ADAMTS6: variants seen among roughly 807,000 people sequenced by gnomAD.
The protein encoded by ADAMTS6 is A disintegrin and metalloproteinase with thrombospondin motifs 6.
Under a neutral mutation model 144.3 loss-of-function variants are expected in ADAMTS6, and 23 were observed. The observed-to-expected ratio is 0.16, with a 90% CI of 0.11 to 0.23. The LOEUF (loss-of-function observed/expected upper bound fraction) is 0.23, where lower values mean the gene tolerates loss of function less well. Ranked by LOEUF, ADAMTS6 falls within the 10% of genes least tolerant of loss-of-function variation. The pLI is 1.00. For synonymous variants in ADAMTS6, 444 were observed against 457.5 expected (o/e 0.97, Z 0.38); for missense variants, 999 against 1,379.6 (o/e 0.72, Z 4.37).
chr5:65,466,315 C>T (rs1221176928), intron 3 of ADAMTS6, among the ~76,000 whole-genome samples: 6 of 152,196 alleles, frequency 3.9e-5, no homozygotes, highest in African/African-American at 1.2e-4. Context: ...GTTCCTCAAA[C>T]ACTCTAAGAT....
Position 65,172,888 on chromosome 5 carries a change from G to A in ADAMTS6, c.3031C>T (p.Arg1011Cys), listed in dbSNP as rs769190743. ...PEESKPPVRI[R>C]CSLGRCPPPR... Reference sequence around the variant, plus strand: ...GGAGGGCAGCGGCCCAAACTGCAGCGGATGCGGACAGGAGGTTTGCTTTCC... The same window carrying A: ...GGAGGGCAGCGGCCCAAACTGCAGCAGATGCGGACAGGAGGTTTGCTTTCC... Residue 1011 changes from arginine to cysteine, a missense_variant, in exon 23 of 25, where the codon CGC becomes TGC. Arg to Cys is a radical substitution (Grantham distance 180, BLOSUM62 -3). Transcript: ENST00000381055. The A allele has an allele frequency of 3.6e-5, 58 of 1,614,090 alleles. No individual in the cohort carries two copies. Among genetic ancestry groups the A allele is most frequent in the East Asian group, 6.7e-5 (3 of 44,898 alleles).
chr5:65,411,445 T>C (rs1215750506), intron 7 of ADAMTS6, among the ~76,000 whole-genome samples: 1 of 152,208 alleles, frequency 6.6e-6, no homozygotes, highest in East Asian at 1.9e-4. Context: ...AGTGGAAAAG[T>C]TTAAGAGCCA....
intron 4 of ADAMTS6, among the ~76,000 whole-genome samples, chr5:65,454,059 G>A (rs971105861): frequency 6.6e-6 from 1 of 152,116 alleles, no homozygotes; most frequent in South Asian, 2.1e-4. Context: ...GTAGGAATGG[G>A]TTGGTTATTG....
rs1383244915 is a variant in ADAMTS6, at chr5:65,167,296, C to A, written c.3244+3321G>T. Among the ~76,000 whole-genome samples, 9 of 152,208 alleles carry A rather than the reference C, an allele frequency of 5.9e-5. No individual in the cohort carries two copies. In the South Asian group the frequency reaches 1.9e-3, roughly 32 times the overall value. On this transcript the variant is annotated intron_variant, in intron 24 of 24. Transcript: ENST00000381055. ...TAGAAAATCTAGAAGAAATGGATAA[C>A]TTCCTCGACACATACACCCTCCCAA...
intron 7 of ADAMTS6, among the ~76,000 whole-genome samples, chr5:65,428,924 T>C (rs1756770720): frequency 6.6e-6 from 1 of 152,126 alleles, no homozygotes; most frequent in African/African-American, 2.4e-5. Flanking sequence ...AAACATGAAA[T>C]TGAAAATAAA....
chr5:65,438,229 T>C (rs1286723969), intron 7 of ADAMTS6, among the ~76,000 whole-genome samples: 1 of 152,044 alleles, frequency 6.6e-6, no homozygotes, highest in Non-Finnish European at 1.5e-5. Flanking sequence ...CAATGCTCAG[T>C]ATAAAAAAAA....
chr5:65,423,560 A>G (rs1756252571), intron 7 of ADAMTS6, among the ~76,000 whole-genome samples: 1 of 152,152 alleles, frequency 6.6e-6, no homozygotes. Flanking sequence ...TAAATCTTCA[A>G]TACCATCAGC....
At chr5:65,200,723 G>A (rs770318820) in intron 20 of ADAMTS6, among the ~76,000 whole-genome samples, 30 of 151,940 alleles carry the variant, frequency 2.0e-4, no homozygotes, top group Non-Finnish European at 4.0e-4. Context: ...GTATGTATAT[G>A]TTTTTTTAAT....
intron 11 of ADAMTS6, among the ~76,000 whole-genome samples, chr5:65,289,057 C>G (rs1056369157): frequency 6.6e-6 from 1 of 152,132 alleles, no homozygotes; most frequent in South Asian, 2.1e-4. Context: ...ACAAATAACA[C>G]AAGCATTTTC....
chr5:65,477,309 T>G (rs1458237494), intron 1 of ADAMTS6, among the ~76,000 whole-genome samples: 1 of 152,240 alleles, frequency 6.6e-6, no homozygotes, highest in Non-Finnish European at 1.5e-5. Flanking sequence ...AAAAAACATA[T>G]ACTTAACACA....
At chr5:65,440,776 A>G (rs1393416049) in intron 7 of ADAMTS6, among the ~76,000 whole-genome samples, 1 of 152,214 alleles carries the variant, frequency 6.6e-6, no homozygotes, top group Non-Finnish European at 1.5e-5. Context: ...GCAATTGGGT[A>G]GAGTACCCAG....
intron 11 of ADAMTS6, among the ~76,000 whole-genome samples, chr5:65,282,663 C>T (rs1401684829): frequency 2.0e-5 from 3 of 151,926 alleles, no homozygotes; most frequent in Admixed American, 1.3e-4. Flanking sequence ...TGATGCTATA[C>T]GAGAGTCAGG....
At chr5:65,220,948 A>G (rs990434392) in intron 18 of ADAMTS6, among the ~76,000 whole-genome samples, 2 of 152,214 alleles carry the variant, frequency 1.3e-5, no homozygotes, top group Admixed American at 6.5e-5. Flanking sequence ...TAAAAAGATA[A>G]TAAGAAAATA....
At chr5:65,413,988 G>A (rs922128058) in intron 7 of ADAMTS6, among the ~76,000 whole-genome samples, 6 of 152,186 alleles carry the variant, frequency 3.9e-5, no homozygotes, top group African/African-American at 1.4e-4. Flanking sequence ...AGAAACAGCA[G>A]GCATGAAGTA....
chr5:65,395,290 A>C (rs757245076), intron 7 of ADAMTS6, among the ~76,000 whole-genome samples: 1 of 151,830 alleles, frequency 6.6e-6, no homozygotes, highest in Non-Finnish European at 1.5e-5. Flanking sequence ...ATAATCACTA[A>C]AGACTATCCC....
intron 24 of ADAMTS6, among the ~76,000 whole-genome samples, chr5:65,154,975 C>G (rs1752330224): frequency 1.3e-5 from 2 of 152,134 alleles, no homozygotes; most frequent in South Asian, 4.1e-4. Context: ...CTGGAGACTT[C>G]AGGACTCAAA....
intron 19 of ADAMTS6, 32 bp downstream of exon 19, chr5:65,215,292 C>T: frequency 1.2e-6 from 2 of 1,603,692 alleles, no homozygotes; most frequent in African/African-American, 1.3e-5. Flanking sequence ...GAATTAAAAA[C>T]AGAAGAAATA....
intron 9 of ADAMTS6, among the ~76,000 whole-genome samples, chr5:65,308,976 A>G (rs144328879): frequency 6.6e-6 from 1 of 152,210 alleles, no homozygotes; most frequent in Non-Finnish European, 1.5e-5. Context: ...AAGCCCCAAA[A>G]CAGCAACGGG....
At chr5:65,329,237 AC>A in intron 9 of ADAMTS6, 140 bp downstream of exon 9, 1 of 692,602 alleles carries the variant, frequency 1.4e-6, no homozygotes, top group South Asian at 2.0e-5. Flanking sequence ...TTATCCCAAT[AC>A]CCACAATAAT....
Sources: allele counts gnomAD v4.1 joint callset (sites outside exome capture counted in the v4.1 genomes callset), GRCh38; gene constraint gnomAD v4.1.1; transcripts MANE v1.5; gene names NCBI Gene and HGNC (gene_info 2026-07-23, HGNC 2026-07-21).